Variants in PWWP3A observed in about 807,000 individuals in gnomAD.
PWWP3A encodes the protein PWWP domain containing 3A, DNA repair factor.
PWWP3A carries 53 observed loss-of-function variants against 79.0 expected under a neutral mutation model. The ratio of observed to expected loss-of-function variants is 0.67; its 90% CI spans 0.54 to 0.84. PWWP3A has a LOEUF of 0.84. Ranked by LOEUF, PWWP3A falls within the 40% of genes least tolerant of loss-of-function variation. PWWP3A has a pLI of 0.00. For synonymous variants in PWWP3A, 443 were observed against 394.4 expected (o/e 1.12, Z -1.46); for missense variants, 973 against 948.0 (o/e 1.03, Z -0.35).
At chr19:1,376,012 TCTTGGC>T (rs2082383829) in intron 13 of PWWP3A, among the ~76,000 whole-genome samples, 4 of 151,416 alleles carry the variant, frequency 2.6e-5, no homozygotes, top group Admixed American at 2.6e-4. Flanking sequence ...CATTTCACCA[TCTTGGC>T]CAGGCTGGTC....
Position 1,376,563 on chromosome 19 carries a change from G to A in PWWP3A, c.2120G>A (p.Arg707Gln), listed in dbSNP as rs1331948607. The change falls in exon 14 of 14, where the codon CGG becomes CAG. Residue 707 changes from arginine (R) to glutamine (Q), a missense_variant. Coordinates refer to ENST00000591337, the MANE Select transcript of PWWP3A (RefSeq NM_001369789.1). ...FDNQLLEERN[R>Q]RRR Reference sequence around the variant, plus strand: ...AACCAGCTCCTTGAAGAGCGGAACCGGCGCCGTCGGTGAGGGAGCAGCCGG... The same window carrying A: ...AACCAGCTCCTTGAAGAGCGGAACCAGCGCCGTCGGTGAGGGAGCAGCCGG... The A allele has an allele frequency of 4.3e-6, 7 of 1,613,540 alleles. No individual in the cohort carries two copies. The highest frequency in any genetic ancestry group is 3.3e-5 in the South Asian group (3 of 91,052).
At chr19:1,374,486 A>G (rs2082324097) in intron 13 of PWWP3A, 1 of 152,146 alleles carries the variant, frequency 6.6e-6, no homozygotes, top group Non-Finnish European at 1.5e-5. Flanking sequence ...TTGTTCTTTT[A>G]GAGTTGCACC....
chr19:1,358,876 T>A, intron 4 of PWWP3A: 1 of 408,142 alleles, frequency 2.5e-6, no homozygotes. Context: ...TGAGAAGCAG[T>A]TGGTTGTGTG....
chr19:1,366,128 T>C (rs2082122679), intron 7 of PWWP3A, among the ~76,000 whole-genome samples, 177 bp from the exon 8 acceptor site: 1 of 152,254 alleles, frequency 6.6e-6, no homozygotes, highest in Non-Finnish European at 1.5e-5. Flanking sequence ...GTTCAAGTGA[T>C]GCGTGTGGCA....
Position 1,355,151 on chromosome 19 carries a change from G to A in PWWP3A, c.-70+16G>A, listed in dbSNP as rs1028173195. 2.0e-5 allele frequency: 3 copies of A among 152,358 alleles called. No individual in the cohort carries two copies. Among genetic ancestry groups the A allele is most frequent in the Non-Finnish European group, 2.9e-5 (2 of 67,884 alleles). The allele number at this position is 152,358 out of a possible 1,614,324, so 9.4% of individuals were successfully genotyped here. A position where few individuals can be genotyped will look rare whatever the true frequency, so the allele number is the denominator to read the frequency against. Reference sequence around the variant, plus strand: ...CGGGGGCCCGGTGAGCCCGCGGGATGCGTCCCCTCGGTTCCGCCGGGCGGG... The same window carrying A: ...CGGGGGCCCGGTGAGCCCGCGGGATACGTCCCCTCGGTTCCGCCGGGCGGG... On this transcript the variant is annotated intron_variant, in intron 1 of 13. Transcript: ENST00000591337.
chr19:1,358,444 A>G lies in PWWP3A; in HGVS notation c.194A>G (p.Glu65Gly). The G allele has an allele frequency of 6.2e-7, 1 of 1,614,150 alleles. No individual in the cohort carries two copies. Among genetic ancestry groups the G allele is most frequent in the Admixed American group, 1.7e-5 (1 of 60,008 alleles). ...GAGATCCTAGAGAAGTCTCAAATTG[A>G]AGCCATTGCTTCCTCGTTAGGTAAG... ...EVEILEKSQI[E>G]AIASSLASQN... Residue 65 changes from glutamate (E) to glycine (G), a missense_variant, in exon 4 of 14, where the codon GAA (glutamate) becomes GGA (glycine). By Grantham distance (98) the Glu-to-Gly change is moderately conservative (BLOSUM62 -2). Coordinates refer to ENST00000591337, the MANE Select transcript of PWWP3A (RefSeq NM_001369789.1).
intron 7 of PWWP3A, among the ~76,000 whole-genome samples, chr19:1,364,989 G>A (rs1427139340): frequency 6.6e-6 from 1 of 152,112 alleles, no homozygotes; most frequent in African/African-American, 2.4e-5. Context: ...GCGTGGTGGC[G>A]TGCGCCTGTA....
Position 1,360,164 on chromosome 19 carries a change from C to G in PWWP3A, c.243C>G (p.Pro81=). ...CACAGAATGAGGTTCCTGCGGCACC[C>G]CTGGAAGAACTGGCCTACAGACGGT... is the stretch of plus-strand genomic sequence containing the variant. ...LASQNEVPAA[P]LEELAYRRSL... is the part of the protein sequence containing the mutation. The change falls in exon 5 of 14, where the codon CCC becomes CCG. Residue 81 remains proline (P), a synonymous_variant. Transcript: ENST00000591337. The surrounding 1 kb of genome is among the most constrained non-coding windows in gnomAD (Gnocchi z 4.4). 6.3e-7 allele frequency: 1 copy of G among 1,576,592 alleles called. No homozygotes were observed. Among genetic ancestry groups the G allele is most frequent in the Non-Finnish European group, 8.6e-7 (1 of 1,163,364 alleles).
intron 5 of PWWP3A, among the ~76,000 whole-genome samples, chr19:1,361,323 G>A (rs1368769018): frequency 6.6e-6 from 1 of 152,236 alleles, no homozygotes; most frequent in Non-Finnish European, 1.5e-5. Flanking sequence ...GGCGCGGCTG[G>A]GAGCATTGTG....
rs371643630 is a variant in PWWP3A at position 1,367,483 on chromosome 19, A to G, written c.1422+263A>G. ...AGGAAGCTGGGGCTCCGGCGAGGAC[A>G]GTTTACCCAGGGCCACCAGGCAAGG... On this transcript the variant is annotated intron_variant, in intron 9 of 13. Transcript: ENST00000591337. Among the ~76,000 whole-genome samples, 4 of 152,310 alleles carry G rather than the reference A, an allele frequency of 2.6e-5. No individual in the cohort carries two copies. In the South Asian group the frequency reaches 8.3e-4, roughly 32 times the overall value.
rs754438911 is a variant in PWWP3A, at chr19:1,376,295, G to GTTTTTTTTT, written c.2076-221_2076-213dup. On this transcript the variant is annotated intron_variant, in intron 13 of 13. Coordinates refer to ENST00000591337, the MANE Select transcript of PWWP3A (RefSeq NM_001369789.1). Reference sequence around the variant, plus strand: ...CATGCGCCACCACGCCCGGCTGTTTGTTTTTTTTTTTGTTTGTTTTTTTTT... The same window carrying GTTTTTTTTT: ...CATGCGCCACCACGCCCGGCTGTTTGTTTTTTTTTTTTTTTTTTTTGTTTGTTTTTTTTT... Among the ~76,000 whole-genome samples, 58 of 67,046 alleles carry GTTTTTTTTT rather than the reference G, an allele frequency of 8.7e-4. 6 individuals are homozygous for GTTTTTTTTT. Among genetic ancestry groups the GTTTTTTTTT allele is most frequent in the East Asian group, 1.1e-3 (3 of 2,656 alleles). The allele number at this position is 67,046 out of a possible 152,430, so 44.0% of individuals were successfully genotyped here.
At chr19:1,358,189 GA>G (rs77499352) in intron 3 of PWWP3A, 50,469 of 384,478 alleles carry the variant, frequency 0.13, 21 homozygotes, top group Middle Eastern at 0.16. Context: ...GTCTTAAAAG[GA>G]AAAAAAAAAA....
chr19:1,373,121 C>T lies in PWWP3A; in HGVS notation c.2036C>T (p.Ala679Val). 1.2e-6 allele frequency: 2 copies of T among 1,614,242 alleles called. No homozygotes were observed. Among genetic ancestry groups the T allele is most frequent in the Non-Finnish European group, 1.7e-6 (2 of 1,180,040 alleles). The change falls in exon 13 of 14, where the codon GCT (alanine) becomes GTT (valine). Residue 679 changes from alanine to valine, a missense_variant. Coordinates refer to ENST00000591337, the MANE Select transcript of PWWP3A (RefSeq NM_001369789.1). Reference protein sequence around the residue: ...SAVDEVDYKTAEEKYIKGPSL... With the variant: ...SAVDEVDYKTVEEKYIKGPSL... ...GTGGACGAGGTGGACTACAAGACGG[C>T]TGAGGAGAAGTACATCAAGGGGCCT...
chr19:1,371,342 C>T (rs754253341), intron 12 of PWWP3A: 32 of 704,812 alleles, frequency 4.5e-5, no homozygotes, highest in Middle Eastern at 4.6e-4. Flanking sequence ...CCAGGGGGTG[C>T]GAACTCCCTC....
At position 1,360,322 on chromosome 19, in the gene PWWP3A, A is replaced by G; in HGVS notation, c.401A>G (p.Asn134Ser). 1.2e-6 allele frequency: 2 copies of G among 1,613,588 alleles called. No individual in the cohort carries two copies. Among genetic ancestry groups the G allele is most frequent in the Non-Finnish European group, 1.7e-6 (2 of 1,179,666 alleles). ...MEHVSSPCDS[N>S]SSSLPRGDVL... is the part of the protein sequence containing the mutation. ...CATGTCTCCTCGCCCTGTGATTCGA[A>G]CTCCTCATCTCTTCCCCGCGGAGAC... Residue 134 changes from asparagine to serine, a missense_variant, in exon 5 of 14, where the codon AAC (asparagine) becomes AGC (serine). Physicochemically the swap from Asn to Ser is conservative, Grantham distance 46. Transcript: ENST00000591337. This position sits in a 1 kb window ranked among gnomAD's most constrained non-coding sequence, Gnocchi z 4.4.
intron 13 of PWWP3A, chr19:1,374,056 ATAAG>A (rs1361444603): frequency 6.6e-6 from 1 of 152,250 alleles, no homozygotes; most frequent in Non-Finnish European, 1.5e-5. Context: ...TGCCGTAAGA[ATAAG>A]TGAGGTCCGG....
At chr19:1,371,223 C>T (rs1170879234) in intron 12 of PWWP3A, 145 bp downstream of exon 12, 1 of 912,532 alleles carries the variant, frequency 1.1e-6, no homozygotes, top group Non-Finnish European at 1.7e-6. Flanking sequence ...CCTGTGTTTA[C>T]ATCCTGTCAG....
chr19:1,359,605 G>A (rs1427817030), intron 4 of PWWP3A: 1 of 152,044 alleles, frequency 6.6e-6, no homozygotes, highest in African/African-American at 2.4e-5. Context: ...GAAACCAGAG[G>A]CCCACGATGC....
rs2081810515 is a variant in PWWP3A, at chr19:1,355,079, C to G, written c.-126C>G. The G allele has an allele frequency of 6.6e-6, 1 of 151,682 alleles. No individual in the cohort carries two copies. Among genetic ancestry groups the G allele is most frequent in the African/African-American group, 2.4e-5 (1 of 41,298 alleles). 9.4% of individuals were successfully genotyped at this position (151,682 alleles called of 1,614,324 possible). On this transcript the variant is annotated 5_prime_UTR_variant, in exon 1 of 14. Coordinates refer to ENST00000591337, the MANE Select transcript of PWWP3A (RefSeq NM_001369789.1). Reference sequence around the variant, plus strand: ...CGGGCGGGTCCTCCGCTGTTGCGGCCGCTGCGGCCTCCTTGCCCGGGCTTG... The same window carrying G: ...CGGGCGGGTCCTCCGCTGTTGCGGCGGCTGCGGCCTCCTTGCCCGGGCTTG...
Sources: allele counts gnomAD v4.1 joint callset (sites outside exome capture counted in the v4.1 genomes callset), GRCh38; gene constraint gnomAD v4.1.1; non-coding constraint Gnocchi (gnomAD v3.1); transcripts MANE v1.5; gene names NCBI Gene and HGNC (gene_info 2026-07-23, HGNC 2026-07-21).